The following KCNAB1 variants were observed in gnomAD, a reference collection of about 807,000 sequenced individuals.
The protein encoded by KCNAB1 is voltage-gated potassium channel subunit beta-1.
A neutral mutation model predicts 64.6 loss-of-function variants in KCNAB1; 35 were observed. The ratio of observed to expected loss-of-function variants is 0.54; its 90% confidence interval spans 0.41 to 0.72. KCNAB1 has a LOEUF of 0.72. KCNAB1 is among the 30% of genes least tolerant of loss of function. The probability of loss-of-function intolerance (pLI) is 0.00; values close to 1 mark genes in which losing one functional copy is unlikely to be tolerated. For missense variants in KCNAB1, 401 were observed against 512.9 expected (o/e 0.78, Z 2.11); for synonymous variants, 177 against 183.8 (o/e 0.96, Z 0.30).
intron 2 of KCNAB1, among the ~76,000 whole-genome samples, chr3:156,437,494 A>G (rs1289002591): frequency 1.3e-5 from 2 of 152,152 alleles, no homozygotes; most frequent in Non-Finnish European, 2.9e-5. Context: ...ATCATTCTGC[A>G]TGGCACCAGT....
intron 8 of KCNAB1, among the ~76,000 whole-genome samples, chr3:156,483,447 A>C (rs1228471356): frequency 6.6e-6 from 1 of 152,080 alleles, no homozygotes; most frequent in Non-Finnish European, 1.5e-5. Flanking sequence ...ATATGTTGTC[A>C]ATATCACCTC....
At chr3:156,303,733 C>A (rs1721304615) in intron 1 of KCNAB1, among the ~76,000 whole-genome samples, 1 of 152,158 alleles carries the variant, frequency 6.6e-6, no homozygotes, top group Non-Finnish European at 1.5e-5. Context: ...GCACATCAAG[C>A]CCCTCTAGTA....
At chr3:156,195,372 C>A (rs1713846561) in intron 1 of KCNAB1, among the ~76,000 whole-genome samples, 1 of 152,218 alleles carries the variant, frequency 6.6e-6, no homozygotes, top group African/African-American at 2.4e-5. Flanking sequence ...CTGTCTTCCA[C>A]AATGGTTGAA....
chr3:156,357,294 A>G (rs1472157870), intron 1 of KCNAB1, among the ~76,000 whole-genome samples: 2 of 152,218 alleles, frequency 1.3e-5, no homozygotes, highest in African/African-American at 4.8e-5. Flanking sequence ...GTCAAAAAAT[A>G]GGCTCATACT....
At chr3:156,201,099 G>A (rs1022823610) in intron 1 of KCNAB1, among the ~76,000 whole-genome samples, 3 of 152,116 alleles carry the variant, frequency 2.0e-5, no homozygotes, top group Non-Finnish European at 4.4e-5. Context: ...CTTCCCAGGT[G>A]AGGCGATGCC....
At chr3:156,254,385 C>T (rs1443526915) in intron 1 of KCNAB1, among the ~76,000 whole-genome samples, 1 of 152,176 alleles carries the variant, frequency 6.6e-6, no homozygotes, top group Non-Finnish European at 1.5e-5. Context: ...AACACTCTGT[C>T]TCTCACAGGA....
At chr3:156,264,690 T>TTA (rs916846633) in intron 1 of KCNAB1, among the ~76,000 whole-genome samples, 1 of 152,020 alleles carries the variant, frequency 6.6e-6, no homozygotes, top group Admixed American at 6.6e-5. Flanking sequence ...TTTTGTAATA[T>TTA]TATATATATA....
At chr3:156,182,695 A>ATTTTTTTTTTTTTTTTTTTTTTT (rs10624040) in intron 1 of KCNAB1, among the ~76,000 whole-genome samples, 6 of 132,720 alleles carry the variant, frequency 4.5e-5, no homozygotes, top group Non-Finnish European at 4.7e-5. Context: ...AAGTAAGACA[A>ATTTTTTTTTTTTTTTTTTTTTTT]TTTTTTTTTT....
At chr3:156,364,901 T>C (rs542073562) in intron 1 of KCNAB1, among the ~76,000 whole-genome samples, 22 of 152,306 alleles carry the variant, frequency 1.4e-4, no homozygotes, top group African/African-American at 4.8e-4. Flanking sequence ...TGTACACTTA[T>C]TTTCAGGGAA....
At chr3:156,354,073 GTATATA>G (rs1398980739) in intron 1 of KCNAB1, among the ~76,000 whole-genome samples, 3 of 135,598 alleles carry the variant, frequency 2.2e-5, no homozygotes, top group African/African-American at 8.1e-5. Flanking sequence ...GTGTGTGTGT[GTATATA>G]TGTGTGTATA....
At chr3:156,301,906 G>A (rs1655468780) in intron 1 of KCNAB1, among the ~76,000 whole-genome samples, 5 of 152,326 alleles carry the variant, frequency 3.3e-5, no homozygotes, top group East Asian at 1.9e-4. Context: ...AAGCAAAGCT[G>A]TAAATTTCAC....
intron 1 of KCNAB1, among the ~76,000 whole-genome samples, chr3:156,407,522 C>T (rs1280559076): frequency 6.6e-6 from 1 of 152,172 alleles, no homozygotes; most frequent in Non-Finnish European, 1.5e-5. Context: ...AACCCTAGCA[C>T]CTAGAACAGT....
chr3:156,458,645 G>T (rs1416354805), intron 4 of KCNAB1, among the ~76,000 whole-genome samples: 2 of 152,178 alleles, frequency 1.3e-5, no homozygotes, highest in African/African-American at 4.8e-5. Context: ...TGAATCCAAG[G>T]AGAGAAAGTA....
intron 1 of KCNAB1, among the ~76,000 whole-genome samples, chr3:156,314,600 G>A (rs1201554167): frequency 1.3e-4 from 20 of 152,228 alleles, no homozygotes; most frequent in Admixed American, 1.2e-3. Flanking sequence ...GATCTTTTAC[G>A]TCAGAAACAC....
chr3:156,348,218 A>T (rs1724614422), intron 1 of KCNAB1, among the ~76,000 whole-genome samples: 1 of 152,102 alleles, frequency 6.6e-6, no homozygotes, highest in Non-Finnish European at 1.5e-5. Flanking sequence ...CCTAAAAAGG[A>T]GGGGATAGTA....
At chr3:156,180,389 T>G (rs1290386412) in intron 1 of KCNAB1, among the ~76,000 whole-genome samples, 1 of 152,234 alleles carries the variant, frequency 6.6e-6, no homozygotes, top group Non-Finnish European at 1.5e-5. Flanking sequence ...AATGTTACCA[T>G]GTAAAAAGGG....
chr3:156,167,721 A>G (rs747113333), intron 1 of KCNAB1, among the ~76,000 whole-genome samples: 1 of 152,202 alleles, frequency 6.6e-6, no homozygotes, highest in African/African-American at 2.4e-5. Flanking sequence ...AGATTGAATT[A>G]TAAGATTTTT....
chr3:156,210,700 G>A (rs1237432051), intron 1 of KCNAB1, among the ~76,000 whole-genome samples: 2 of 152,196 alleles, frequency 1.3e-5, no homozygotes, highest in Non-Finnish European at 2.9e-5. Context: ...TAGAAGCTGT[G>A]TCTTTTGATC....
At chr3:156,403,298 A>C (rs1714030447) in intron 1 of KCNAB1, among the ~76,000 whole-genome samples, 1 of 152,198 alleles carries the variant, frequency 6.6e-6, no homozygotes, top group South Asian at 2.1e-4. Flanking sequence ...GGGAGCTTCC[A>C]TCCAGGGCTT....
Sources: allele counts gnomAD v4.1 joint callset (sites outside exome capture counted in the v4.1 genomes callset), GRCh38; gene constraint gnomAD v4.1.1; transcripts MANE v1.5; gene names NCBI Gene and HGNC (gene_info 2026-07-23, HGNC 2026-07-21).